The following VIL1 variants were observed in gnomAD, a reference collection of about 807,000 sequenced individuals.
The protein encoded by VIL1 is villin-1.
VIL1 carries 86 observed loss-of-function variants against 104.0 expected under a neutral mutation model. The ratio of observed to expected loss-of-function variants is 0.83; its 90% CI spans 0.69 to 0.99. The LOEUF (loss-of-function observed/expected upper bound fraction) is 0.99. Ranked by LOEUF, VIL1 falls within the 50% of genes least tolerant of loss-of-function variation. VIL1 has a pLI of 0.00. For synonymous variants in VIL1, 394 were observed against 412.6 expected, an observed-to-expected ratio of 0.95 and a Z score of 0.55; for missense variants, 944 against 1,054.1, an observed-to-expected ratio of 0.90 and a Z score of 1.45.
At chr2:218,442,058 T>C (rs980375990) in intron 19 of VIL1, among the ~76,000 whole-genome samples, 1 of 152,092 alleles carries the variant, frequency 6.6e-6, no homozygotes, top group Non-Finnish European at 1.5e-5. Flanking sequence ...AGAGCAGCCA[T>C]AGGAACACCA....
At chr2:218,440,560 G>A (rs1689269167) in intron 18 of VIL1, among the ~76,000 whole-genome samples, 162 bp from the exon 19 acceptor site, 1 of 152,190 alleles carries the variant, frequency 6.6e-6, no homozygotes, top group African/African-American at 2.4e-5. Flanking sequence ...GTGAGCCACT[G>A]CACCCAGCCT....
In VIL1 at chr2:218,429,966, G is replaced by GGGC; in HGVS notation, c.948+19_948+20insGGC. 1 of 1,381,336 alleles carries GGGC rather than the reference G, an allele frequency of 7.2e-7. No individual in the cohort carries two copies. Among genetic ancestry groups the GGGC allele is most frequent in the Non-Finnish European group, 1.0e-6 (1 of 969,682 alleles). The allele number at this position is 1,381,336 out of a possible 1,614,324, so 85.6% of individuals were successfully genotyped here. Reference sequence around the variant, plus strand: ...TGCGCTGGTAGTGGTGGGGGCGGGGGAGGGTCCAGGAGGAGGGCAGAGTGA... The same window carrying GGGC: ...TGCGCTGGTAGTGGTGGGGGCGGGGGGGCAGGGTCCAGGAGGAGGGCAGAGTGA... On this transcript the variant is annotated intron_variant, in intron 9 of 19. Coordinates refer to ENST00000248444, the MANE Select transcript of VIL1 (RefSeq NM_007127.3).
chr2:218,440,262 A>G (rs1394309315), intron 18 of VIL1, among the ~76,000 whole-genome samples: 1 of 152,124 alleles, frequency 6.6e-6, no homozygotes. Context: ...ACAGACCACT[A>G]AGCTCTATGT....
chr2:218,427,808 T>A (rs894229788), intron 4 of VIL1, among the ~76,000 whole-genome samples, 157 bp from the exon 5 acceptor site: 1 of 151,928 alleles, frequency 6.6e-6, no homozygotes, highest in Non-Finnish European at 1.5e-5. Context: ...TGACAGTGAG[T>A]GACTCCCTAA....
rs1574813267 is a variant in VIL1 at position 218,428,056 on chromosome 2, A to T, written c.439A>T (p.Asn147Tyr). The T allele has an allele frequency of 6.2e-7, 1 of 1,614,134 alleles. No homozygotes were observed. The highest frequency in any genetic ancestry group is 2.2e-5 in the East Asian group (1 of 44,876). The stretch of plus-strand genomic sequence containing the variant: ...GCTGCTGCATGTCAAGGGCAAGAGG[A>T]ACGTGGTAGCTGGAGAGGTAGGCAG... ...QRLLHVKGKR[N>Y]VVAGEVEMSW... The change falls in exon 5 of 20, where the codon AAC becomes TAC. Residue 147 changes from asparagine (N) to tyrosine (Y), a missense_variant. Transcript: ENST00000248444.
At chr2:218,421,800 C>T (rs1289467701) in intron 1 of VIL1, among the ~76,000 whole-genome samples, 1 of 152,150 alleles carries the variant, frequency 6.6e-6, no homozygotes, top group Non-Finnish European at 1.5e-5. Context: ...CTGCTCATGT[C>T]CACCCTCTAT....
rs1490006072 is a variant in VIL1 at position 218,428,074 on chromosome 2, G to A, written c.456+1G>A. The A allele has an allele frequency of 1.2e-6, 2 of 1,614,104 alleles. No individual in the cohort carries two copies. The highest frequency in any genetic ancestry group is 1.7e-4 in the Middle Eastern group (1 of 6,060). On this transcript the variant is annotated splice_donor_variant, in intron 5 of 19. Coordinates refer to ENST00000248444, the MANE Select transcript of VIL1 (RefSeq NM_007127.3). LOFTEE classifies it high-confidence loss of function. The stretch of plus-strand genomic sequence containing the variant: ...CAAGAGGAACGTGGTAGCTGGAGAG[G>A]TAGGCAGGCCCCACTGGAGCATCGG...
In VIL1 at chr2:218,437,106, C is replaced by A. The variant is rs1689204585; in HGVS notation, c.1972-18C>A. On this transcript the variant is annotated intron_variant, in intron 16 of 19. Coordinates refer to ENST00000248444, the MANE Select transcript of VIL1 (RefSeq NM_007127.3). Reference sequence around the variant, plus strand: ...GGAGGACAGGAAGGATGGACTGATCCCCTGGGTTTCTCAATAGGTCTTCTT... The same window carrying A: ...GGAGGACAGGAAGGATGGACTGATCACCTGGGTTTCTCAATAGGTCTTCTT... 1 of 1,610,164 alleles carries A rather than the reference C, an allele frequency of 6.2e-7. No individual in the cohort carries two copies. Among genetic ancestry groups the A allele is most frequent in the African/African-American group, 1.3e-5 (1 of 74,854 alleles).
chr2:218,423,654 C>T, intron 1 of VIL1, 114 bp from the exon 2 acceptor site: 1 of 984,084 alleles, frequency 1.0e-6, no homozygotes, highest in Non-Finnish European at 1.6e-6. Context: ...CTCTGTGCTC[C>T]CCCAAGCCCC....
At chr2:218,432,638 T>G in intron 12 of VIL1, 155 bp from the exon 13 acceptor site, 1 of 1,010,848 alleles carries the variant, frequency 9.9e-7, no homozygotes, top group Non-Finnish European at 1.5e-6. Flanking sequence ...TGGTTCAGAT[T>G]GGGGTTTTGG....
intron 16 of VIL1, 106 bp from the exon 17 acceptor site, chr2:218,437,018 T>A: frequency 7.4e-7 from 1 of 1,352,382 alleles, no homozygotes; most frequent in Non-Finnish European, 1.0e-6. Flanking sequence ...CTGGTAGTGG[T>A]AGAGTCAGGG....
At position 218,429,540 on chromosome 2, in the gene VIL1, G is replaced by A; in HGVS notation, c.770+53G>A. On this transcript the variant is annotated intron_variant, in intron 7 of 19. Coordinates refer to ENST00000248444, the MANE Select transcript of VIL1 (RefSeq NM_007127.3). The stretch of plus-strand genomic sequence containing the variant: ...TGCTGGGGACTCCCTGGGAGAAGGT[G>A]CCCTGGCTGAGGGACTTGGGCCCCC... The A allele has an allele frequency of 8.7e-6, 14 of 1,613,736 alleles. No homozygotes were observed. The Admixed American group carries it at 1.3e-4, about 15-fold the overall frequency.
Position 218,425,745 on chromosome 2 carries a change from T to C in VIL1, c.281T>C (p.Val94Ala). Reference protein sequence around the residue: ...QMDDFLKGRAVQHREVQGNES... With the variant: ...QMDDFLKGRAAQHREVQGNES... The stretch of plus-strand genomic sequence containing the variant: ...GATGACTTCCTGAAGGGCCGGGCTG[T>C]GCAGCACCGCGAGGTCCAGGGCAAC... Residue 94 changes from valine to alanine, a missense_variant, in exon 4 of 20, where the codon GTG becomes GCG. Val to Ala is a moderately conservative substitution (Grantham distance 64, BLOSUM62 0). Coordinates refer to ENST00000248444, the MANE Select transcript of VIL1 (RefSeq NM_007127.3). The C allele has an allele frequency of 6.2e-7, 1 of 1,614,134 alleles. No homozygotes were observed. The highest frequency in any genetic ancestry group is 8.5e-7 in the Non-Finnish European group (1 of 1,180,014).
chr2:218,429,585 T>C lies in VIL1; in HGVS notation c.771-12T>C. ...GCCCCCTCCCCATCTATGCCTTGCT[T>C]CTGTCCTGCAGTGTGTCTGACTCCG... On this transcript the variant is annotated splice_polypyrimidine_tract_variant and intron_variant, in intron 7 of 19. Transcript: ENST00000248444. 1 of 1,614,116 alleles carries C rather than the reference T, an allele frequency of 6.2e-7. No individual in the cohort carries two copies. The highest frequency in any genetic ancestry group is 8.5e-7 in the Non-Finnish European group (1 of 1,180,010).
intron 15 of VIL1, 48 bp downstream of exon 15, chr2:218,435,482 G>T (rs759017533): frequency 1.3e-6 from 2 of 1,592,750 alleles, no homozygotes; most frequent in African/African-American, 2.7e-5. Context: ...TGGGGGAGCC[G>T]CCCAGCATCT....
chr2:218,442,772 C>T (rs1689304967), intron 19 of VIL1, among the ~76,000 whole-genome samples: 1 of 152,174 alleles, frequency 6.6e-6, no homozygotes, highest in Non-Finnish European at 1.5e-5. Flanking sequence ...AAGGGATCTA[C>T]AGAAGAGAGA....
chr2:218,420,444 A>AG (rs1338807794), intron 1 of VIL1, among the ~76,000 whole-genome samples: 30 of 148,810 alleles, frequency 2.0e-4, no homozygotes, highest in African/African-American at 2.8e-4. Context: ...AAAAAAAAAA[A>AG]AAAGAAAAGA....
At position 218,452,589 on chromosome 2, in the gene VIL1, T is replaced by C. The variant is rs1026040645; in HGVS notation, c.*3253T>C. 3.9e-5 allele frequency: 6 copies of C among 152,280 alleles called. No individual in the cohort carries two copies. The highest frequency in any genetic ancestry group is 9.6e-5 in the African/African-American group (4 of 41,562). The allele number at this position is 152,280 out of a possible 1,614,324, so 9.4% of individuals were successfully genotyped here. A position where few individuals can be genotyped will look rare whatever the true frequency, so the allele number is the denominator to read the frequency against. ...AGTACATGAGCAGTGAGATAACTTA[T>C]ATATTCCAATAACCTATTTTCAACA... On this transcript the variant is annotated 3_prime_UTR_variant, in exon 20 of 20. Coordinates refer to ENST00000248444, the MANE Select transcript of VIL1 (RefSeq NM_007127.3).
At chr2:218,443,880 C>T (rs1348078600) in intron 19 of VIL1, among the ~76,000 whole-genome samples, 2 of 152,146 alleles carry the variant, frequency 1.3e-5, no homozygotes, top group Non-Finnish European at 2.9e-5. Context: ...GTGTCCAACT[C>T]CTGACTTCAG....
Sources: allele counts gnomAD v4.1 joint callset (sites outside exome capture counted in the v4.1 genomes callset), GRCh38; gene constraint gnomAD v4.1.1; transcripts MANE v1.5; gene names NCBI Gene and HGNC (gene_info 2026-07-23, HGNC 2026-07-21).